WDR49: variants seen among roughly 807,000 people sequenced by gnomAD.
WDR49 encodes WD repeat domain 49, also known as cilia- and flagella-associated protein 337.
In WDR49, 107 loss-of-function variants were observed where a neutral mutation model predicts 119.5. That is an observed-to-expected ratio of 0.90 (90% CI 0.77 to 1.05). WDR49 has a LOEUF of 1.05. Ranked by LOEUF, WDR49 falls within the 50% of genes least tolerant of loss-of-function variation. WDR49 has a pLI of 0.00. For synonymous variants in WDR49, 425 were observed against 418.8 expected (o/e 1.01, Z -0.18); for missense variants, 1,240 against 1,220.5 (o/e 1.02, Z -0.24).
At chr3:167,591,952 T>C (rs1715137376) in intron 7 of WDR49, among the ~76,000 whole-genome samples, 1 of 152,188 alleles carries the variant, frequency 6.6e-6, no homozygotes, top group Non-Finnish European at 1.5e-5. Flanking sequence ...TTTCTGGTTG[T>C]CTTCTGGTCT....
At chr3:167,569,640 C>A (rs1435657945) in intron 8 of WDR49, among the ~76,000 whole-genome samples, 1 of 145,358 alleles carries the variant, frequency 6.9e-6, no homozygotes, top group Non-Finnish European at 1.5e-5. Flanking sequence ...AAGGCTGCAG[C>A]GAGCCATGAT....
At chr3:167,644,199 G>T (rs1243030035) in intron 2 of WDR49, among the ~76,000 whole-genome samples, 1 of 151,810 alleles carries the variant, frequency 6.6e-6, no homozygotes, top group Non-Finnish European at 1.5e-5. Flanking sequence ...TCTATAAAAG[G>T]CACTGCTTTT....
intron 6 of WDR49, 127 bp from the exon 7 acceptor site, chr3:167,602,402 C>T: frequency 1.2e-6 from 1 of 803,372 alleles, no homozygotes; most frequent in Non-Finnish European, 1.8e-6. Context: ...GACTAATGCA[C>T]CTGTTTTGCC....
At chr3:167,498,118 G>T (rs1167650170) in intron 18 of WDR49, among the ~76,000 whole-genome samples, 2 of 152,112 alleles carry the variant, frequency 1.3e-5, no homozygotes, top group East Asian at 3.9e-4. Flanking sequence ...GGGATTACGG[G>T]CATGAGCCAC....
chr3:167,495,973 A>G (rs1196677510), intron 18 of WDR49, among the ~76,000 whole-genome samples: 1 of 151,784 alleles, frequency 6.6e-6, no homozygotes, highest in Non-Finnish European at 1.5e-5. Context: ...GTCAAAATGA[A>G]ATAAATGCAT....
At chr3:167,573,565 T>A (rs1442282128) in intron 8 of WDR49, among the ~76,000 whole-genome samples, 1 of 152,014 alleles carries the variant, frequency 6.6e-6, no homozygotes, top group Non-Finnish European at 1.5e-5. Context: ...ACAACACACA[T>A]CATGCAGCCT....
intron 8 of WDR49, chr3:167,566,948 CA>C: frequency 1.6e-6 from 1 of 622,356 alleles, no homozygotes; most frequent in Non-Finnish European, 2.9e-6. Context: ...TGACAGAGAC[CA>C]AAGAGGTGGA....
chr3:167,488,635 C>A (rs757649546), intron 18 of WDR49, among the ~76,000 whole-genome samples: 11 of 152,154 alleles, frequency 7.2e-5, no homozygotes, highest in Non-Finnish European at 1.3e-4. Context: ...CTTCTTGCCT[C>A]CCTGGCCACA....
At chr3:167,608,103 C>T (rs1716150045) in intron 5 of WDR49, among the ~76,000 whole-genome samples, 1 of 152,150 alleles carries the variant, frequency 6.6e-6, no homozygotes, top group Non-Finnish European at 1.5e-5. Context: ...AATAGTACTA[C>T]TACTGTACTA....
intron 2 of WDR49, among the ~76,000 whole-genome samples, chr3:167,630,990 C>T (rs77627676): frequency 1.3e-5 from 2 of 151,886 alleles, no homozygotes; most frequent in African/African-American, 4.8e-5. Flanking sequence ...CACTTGGGGG[C>T]CATTTTAAAC....
chr3:167,655,425 T>C (rs1328948761), upstream of WDR49, among the ~76,000 whole-genome samples: 1 of 152,210 alleles, frequency 6.6e-6, no homozygotes, highest in Non-Finnish European at 1.5e-5. Flanking sequence ...TTACATCTTC[T>C]CTAGGGTCTC....
At chr3:167,599,104 C>T (rs1379279488) in intron 7 of WDR49, among the ~76,000 whole-genome samples, 2 of 152,064 alleles carry the variant, frequency 1.3e-5, no homozygotes, top group African/African-American at 4.8e-5. Flanking sequence ...CCTATGTTTT[C>T]CCACGGCTCT....
intron 17 of WDR49, among the ~76,000 whole-genome samples, chr3:167,503,564 G>A (rs1751655620): frequency 2.0e-5 from 3 of 152,206 alleles, no homozygotes; most frequent in South Asian, 4.1e-4. Context: ...GCTCAATTAG[G>A]ACGAACCAGG....
chr3:167,604,926 T>C (rs1644957802), intron 5 of WDR49, among the ~76,000 whole-genome samples: 1 of 152,046 alleles, frequency 6.6e-6, no homozygotes, highest in South Asian at 2.1e-4. Context: ...GAGAATAAAT[T>C]TCTGCTTCAC....
At chr3:167,646,718 G>A (rs1038842314) in intron 2 of WDR49, among the ~76,000 whole-genome samples, 1 of 152,082 alleles carries the variant, frequency 6.6e-6, no homozygotes, top group Admixed American at 6.6e-5. Flanking sequence ...TTTGGCCTTG[G>A]GTCTATTGAG....
intron 2 of WDR49, among the ~76,000 whole-genome samples, chr3:167,647,330 AT>A (rs1250290827): frequency 6.6e-6 from 1 of 152,180 alleles, no homozygotes; most frequent in Non-Finnish European, 1.5e-5. Context: ...ATCCAGATTA[AT>A]TTTTGTAAGT....
At chr3:167,633,990 T>C (rs574397201) in intron 2 of WDR49, among the ~76,000 whole-genome samples, 1 of 152,130 alleles carries the variant, frequency 6.6e-6, no homozygotes, top group African/African-American at 2.4e-5. Flanking sequence ...AAATTTTACT[T>C]CATTATAAAA....
chr3:167,623,577 A>T (rs888075108), intron 3 of WDR49, among the ~76,000 whole-genome samples: 3 of 151,744 alleles, frequency 2.0e-5, no homozygotes, highest in African/African-American at 7.3e-5. Context: ...AACAACAAAA[A>T]TCCTACAGCT....
chr3:167,531,262 G>A lies in WDR49; in HGVS notation c.2071C>T (p.Leu691Phe), dbSNP rs761352542. The change falls in exon 13 of 19, where the codon CTT (leucine) becomes TTT (phenylalanine). Residue 691 changes from leucine to phenylalanine, a missense_variant. Physicochemically the swap from Leu to Phe is conservative, Grantham distance 22 (BLOSUM62 0). Transcript: ENST00000682715. ...KSKLDTKPQK[L>F]LSAGRSQPSH... Reference sequence around the variant, plus strand: ...GGTTGGCTTCTCCCAGCACTGAGAAGTTTTTGAGGTTTTGTATCTGTGAGG... The same window carrying A: ...GGTTGGCTTCTCCCAGCACTGAGAAATTTTTGAGGTTTTGTATCTGTGAGG... 1.2e-6 allele frequency: 2 copies of A among 1,611,074 alleles called. No individual in the cohort carries two copies. Among genetic ancestry groups the A allele is most frequent in the African/African-American group, 1.3e-5 (1 of 74,874 alleles).
Sources: allele counts gnomAD v4.1 joint callset (sites outside exome capture counted in the v4.1 genomes callset), GRCh38; gene constraint gnomAD v4.1.1; transcripts MANE v1.5; gene names NCBI Gene and HGNC (gene_info 2026-07-23, HGNC 2026-07-21).